The following ZBTB24 variants were observed in gnomAD, a reference collection of about 807,000 sequenced individuals.
The protein encoded by ZBTB24 is zinc finger and BTB domain-containing protein 24.
Under a neutral mutation model 53.8 loss-of-function variants are expected in ZBTB24, and 32 were observed. The ratio of observed to expected loss-of-function variants is 0.60; its 90% CI spans 0.45 to 0.80. ZBTB24 has a LOEUF of 0.80. Ranked by LOEUF, ZBTB24 falls within the 30% of genes least tolerant of loss-of-function variation. The probability of loss-of-function intolerance (pLI) is 0.00; values close to 1 mark genes in which losing one functional copy is unlikely to be tolerated. For synonymous variants in ZBTB24, 297 were observed against 306.7 expected, an observed-to-expected ratio of 0.97 and a Z score of 0.33; for missense variants, 722 against 837.1, an observed-to-expected ratio of 0.86 and a Z score of 1.70.
Position 109,481,665 on chromosome 6 carries a change from A to G in ZBTB24, c.362T>C (p.Leu121Pro). Residue 121 changes from leucine to proline, a missense_variant, in exon 2 of 7, where the codon CTG (leucine) becomes CCG (proline). Coordinates refer to ENST00000230122, the MANE Select transcript of ZBTB24 (RefSeq NM_014797.3). ...TTGGAAGTCTGTGTAAGCCTTTACC[A>G]GGTCATAGACTTTTAAGAACTGAGC... ...ATAQFLKVYD[L>P]VKAYTDFQNN... The G allele has an allele frequency of 2.5e-6, 4 of 1,614,244 alleles. No individual in the cohort carries two copies. Among genetic ancestry groups the G allele is most frequent in the Non-Finnish European group, 3.4e-6 (4 of 1,180,050 alleles).
At chr6:109,475,071 T>G (rs1776252361) in intron 5 of ZBTB24, among the ~76,000 whole-genome samples, 1 of 148,182 alleles carries the variant, frequency 6.7e-6, no homozygotes, top group Admixed American at 6.8e-5. Context: ...AAAGTCTTGA[T>G]ATCACCTTCA....
At chr6:109,468,922 T>TG (rs1255211389) in intron 5 of ZBTB24, among the ~76,000 whole-genome samples, 1 of 126,328 alleles carries the variant, frequency 7.9e-6, no homozygotes, top group Non-Finnish European at 1.7e-5. Flanking sequence ...AAAACTAAAT[T>TG]GGAAAAAAAG....
intron 6 of ZBTB24, 112 bp from the exon 7 acceptor site, chr6:109,466,686 A>T (rs769123888): frequency 1.4e-6 from 2 of 1,401,876 alleles, no homozygotes; most frequent in African/African-American, 1.4e-5. Context: ...ACTGCAAGTC[A>T]TAAGTCATGG....
At chr6:109,478,388 A>G (rs1401055108) in intron 2 of ZBTB24, among the ~76,000 whole-genome samples, 2 of 152,228 alleles carry the variant, frequency 1.3e-5, no homozygotes, top group African/African-American at 2.4e-5. Flanking sequence ...TGGTCTGGCG[A>G]TAATTTCCAG....
At chr6:109,472,427 G>A (rs558491003) in intron 5 of ZBTB24, among the ~76,000 whole-genome samples, 30 of 152,214 alleles carry the variant, frequency 2.0e-4, no homozygotes, top group Non-Finnish European at 3.5e-4. Context: ...TTATAGTGGG[G>A]GAGGTCTTCT....
chr6:109,462,942 T>C lies in ZBTB24; in HGVS notation c.*2909A>G, dbSNP rs2115349916. On this transcript the variant is annotated 3_prime_UTR_variant, in exon 7 of 7. Coordinates refer to ENST00000230122, the MANE Select transcript of ZBTB24 (RefSeq NM_014797.3). ...AGCAACATCATTTCTCAAGGACACA[T>C]GAGAAGTACTTTCATGTTCACGACA... 6.6e-6 allele frequency: 1 copy of C among 152,346 alleles called. No homozygotes were observed. Among genetic ancestry groups the C allele is most frequent in the East Asian group, 1.9e-4 (1 of 5,192 alleles). 9.4% of individuals were successfully genotyped at this position (152,346 alleles called of 1,614,324 possible). A position where few individuals can be genotyped will look rare whatever the true frequency, so the allele number is the denominator to read the frequency against.
At chr6:109,479,500 G>A (rs566395068) in intron 2 of ZBTB24, among the ~76,000 whole-genome samples, 5 of 152,356 alleles carry the variant, frequency 3.3e-5, no homozygotes, top group Admixed American at 3.3e-4. Context: ...TTGTAAAGAT[G>A]AATTGAACCA....
rs1339167717 is a variant in ZBTB24 at position 109,481,218 on chromosome 6, A to C, written c.809T>G (p.Val270Gly). ...RSVKLKDYKL[V>G]GDQEDHGSAK... ...TGAACCATGGTCCTCTTGATCCCCAACAAGTTTGTAATCTTTAAGTTTGAC... is the reference window on the plus strand; with the variant it reads ...TGAACCATGGTCCTCTTGATCCCCACCAAGTTTGTAATCTTTAAGTTTGAC... Residue 270 changes from valine to glycine, a missense_variant, in exon 2 of 7, where the codon GTT becomes GGT. Coordinates refer to ENST00000230122, the MANE Select transcript of ZBTB24 (RefSeq NM_014797.3). 1.2e-6 allele frequency: 2 copies of C among 1,614,034 alleles called. No homozygotes were observed. The highest frequency in any genetic ancestry group is 1.7e-6 in the Non-Finnish European group (2 of 1,180,038).
intron 5 of ZBTB24, among the ~76,000 whole-genome samples, chr6:109,473,920 AC>A (rs1259626453): frequency 6.6e-6 from 1 of 151,800 alleles, no homozygotes; most frequent in Non-Finnish European, 1.5e-5. Context: ...CCCTGTCTCT[AC>A]AAAAAAAAAA....
intron 2 of ZBTB24, among the ~76,000 whole-genome samples, chr6:109,479,329 T>C (rs1776346782): frequency 6.6e-6 from 1 of 152,238 alleles, no homozygotes. Flanking sequence ...TACAGAGTAC[T>C]GTATGAATGC....
Position 109,481,168 on chromosome 6 carries a change from T to G in ZBTB24, c.859A>C (p.Lys287Gln), listed in dbSNP as rs773300787. The G allele has an allele frequency of 1.2e-6, 2 of 1,614,086 alleles. No homozygotes were observed. Among genetic ancestry groups the G allele is most frequent in the Admixed American group, 3.3e-5 (2 of 60,006 alleles). The stretch of plus-strand genomic sequence containing the variant: ...CGGGCCTCAGGGCCTCCAGGGCGCT[T>G]TCTCCTTCCACAGATCCTCTTGGCT... ...GSAKRICGRR[K>Q]RPGGPEARCK... Residue 287 changes from lysine (K) to glutamine (Q), a missense_variant, in exon 2 of 7, where the codon AAG (lysine) becomes CAG (glutamine). Physicochemically the swap from Lys to Gln is moderately conservative, Grantham distance 53. Coordinates refer to ENST00000230122, the MANE Select transcript of ZBTB24 (RefSeq NM_014797.3).
intron 2 of ZBTB24, among the ~76,000 whole-genome samples, chr6:109,478,649 G>C (rs1042603733): frequency 6.6e-6 from 1 of 151,954 alleles, no homozygotes; most frequent in Non-Finnish European, 1.5e-5. Context: ...TGTGGTGATC[G>C]GAGATCACGC....
At position 109,476,244 on chromosome 6, in the gene ZBTB24, T is replaced by TA; in HGVS notation, c.1134dup (p.Thr379TyrfsTer3). 6.2e-7 allele frequency: 1 copy of TA among 1,614,096 alleles called. No homozygotes were observed. The highest frequency in any genetic ancestry group is 8.5e-7 in the Non-Finnish European group (1 of 1,180,020). On this transcript the variant is annotated frameshift_variant, in exon 4 of 7. Coordinates refer to ENST00000230122, the MANE Select transcript of ZBTB24 (RefSeq NM_014797.3). LOFTEE classifies it high-confidence loss of function. ...AAATATTTTCCGCATTGATCACAGG[T>TA]AAAAGACTTCTGTCCTGCCAAAAAA... is the stretch of plus-strand genomic sequence containing the variant.
chr6:109,475,362 C>A, intron 5 of ZBTB24, 37 bp downstream of exon 5: 1 of 1,612,800 alleles, frequency 6.2e-7, no homozygotes. Flanking sequence ...CTGAAAACAT[C>A]CCGTGTACTG....
intron 5 of ZBTB24, among the ~76,000 whole-genome samples, chr6:109,472,472 A>G (rs1776186735): frequency 6.6e-6 from 1 of 152,036 alleles, no homozygotes; most frequent in South Asian, 2.1e-4. Context: ...TCCTACTGCT[A>G]CTCACAAAGC....
chr6:109,467,881 G>T, intron 5 of ZBTB24, 147 bp from the exon 6 acceptor site: 1 of 884,476 alleles, frequency 1.1e-6, no homozygotes, highest in Non-Finnish European at 1.7e-6. Context: ...GTAAACGAAT[G>T]ATGCACTCAC....
chr6:109,465,569 G>T lies in ZBTB24; in HGVS notation c.*282C>A. 1 of 1,311,126 alleles carries T rather than the reference G, an allele frequency of 7.6e-7. No individual in the cohort carries two copies. Among genetic ancestry groups the T allele is most frequent in the Non-Finnish European group, 1.0e-6 (1 of 955,314 alleles). The allele number at this position is 1,311,126 out of a possible 1,614,324, so 81.2% of individuals were successfully genotyped here. A position where few individuals can be genotyped will look rare whatever the true frequency, so the allele number is the denominator to read the frequency against. ...ACCTTACAGAAAAACTGAGATCAAT[G>T]CCCCCAAAGAAAAACTACCCGAGTC... On this transcript the variant is annotated 3_prime_UTR_variant, in exon 7 of 7. Coordinates refer to ENST00000230122, the MANE Select transcript of ZBTB24 (RefSeq NM_014797.3).
chr6:109,479,883 T>A (rs9487125), intron 2 of ZBTB24, among the ~76,000 whole-genome samples: 12,447 of 127,568 alleles, frequency 0.098, 1,162 homozygotes, highest in African/African-American at 0.27. Flanking sequence ...GCCACTGCAC[T>A]CTAGCCTGGG....
rs1199374478 is a variant in ZBTB24, at chr6:109,464,451, A to T, written c.*1400T>A. 1 of 152,228 alleles carries T rather than the reference A, an allele frequency of 6.6e-6. No individual in the cohort carries two copies. The highest frequency in any genetic ancestry group is 6.5e-5 in the Admixed American group (1 of 15,284). The allele number at this position is 152,228 out of a possible 1,614,324, so 9.4% of individuals were successfully genotyped here. On this transcript the variant is annotated 3_prime_UTR_variant, in exon 7 of 7. Coordinates refer to ENST00000230122, the MANE Select transcript of ZBTB24 (RefSeq NM_014797.3). The stretch of plus-strand genomic sequence containing the variant: ...CCCCCTACTCCCCATCAGCATTGTT[A>T]ATTTAGATATACTAGTGCCCACCTT...
Sources: gnomAD v4.1 joint callset for allele counts (sites outside exome capture counted in the v4.1 genomes callset) on GRCh38, gnomAD v4.1.1 for gene constraint, MANE v1.5 for transcripts, NCBI Gene and HGNC (gene_info 2026-07-23, HGNC 2026-07-21) for gene names.